TMTC2: variants seen among roughly 807,000 people sequenced by gnomAD.
TMTC2 encodes the protein protein O-mannosyl-transferase TMTC2.
A neutral mutation model predicts 82.4 loss-of-function variants in TMTC2; 43 were observed. That is an observed-to-expected ratio of 0.52 (90% CI 0.41 to 0.67). TMTC2 has a LOEUF of 0.67. TMTC2 is among the 30% of genes least tolerant of loss of function. The pLI, the probability that TMTC2 is intolerant of heterozygous loss-of-function variation, is 0.00. For missense variants in TMTC2, 919 were observed against 1,012.4 expected (o/e 0.91, Z 1.25); for synonymous variants, 408 against 381.9 (o/e 1.07, Z -0.80).
chr12:82,970,365 C>T (rs1408346416), intron 7 of TMTC2, among the ~76,000 whole-genome samples: 2 of 152,218 alleles, frequency 1.3e-5, no homozygotes, highest in South Asian at 2.1e-4. Context: ...CGCTCTGTCG[C>T]CCAGGCGGGA....
chr12:82,812,060 C>T (rs374315335), intron 1 of TMTC2, among the ~76,000 whole-genome samples: 20 of 152,108 alleles, frequency 1.3e-4, no homozygotes, highest in African/African-American at 4.6e-4. Flanking sequence ...TCAGGTGATC[C>T]ACCTGCCTCG....
intron 8 of TMTC2, among the ~76,000 whole-genome samples, chr12:83,006,077 C>T (rs566001144): frequency 6.6e-6 from 1 of 152,286 alleles, no homozygotes; most frequent in African/African-American, 2.4e-5. Flanking sequence ...GGGGTGGTGG[C>T]ATCTTGTGCA....
At position 82,687,384 on chromosome 12, in the gene TMTC2, G is replaced by A; in HGVS notation, c.-203G>A. 1 of 599,958 alleles carries A rather than the reference G, an allele frequency of 1.7e-6. No homozygotes were observed. The highest frequency in any genetic ancestry group is 3.0e-6 in the Non-Finnish European group (1 of 337,666). The allele number at this position is 599,958 out of a possible 1,614,324, so 37.2% of individuals were successfully genotyped here. ...TGTGGTGTGAGCCCGCACCCGGGGA[G>A]GACGCAGGAGCTGCGGAGACGGGCG... On this transcript the variant is annotated 5_prime_UTR_variant, in exon 1 of 12. Transcript: ENST00000321196.
At position 83,017,332 on chromosome 12, in the gene TMTC2, G is replaced by A. The variant is rs193266145; in HGVS notation, c.2071-13466G>A. The stretch of plus-strand genomic sequence containing the variant: ...AGACTTTTGTCCAAACCAGGAAGGG[G>A]GTGCTGTTATAAATACATTGAAACA... On this transcript the variant is annotated intron_variant, in intron 8 of 11. Coordinates refer to ENST00000321196, the MANE Select transcript of TMTC2 (RefSeq NM_152588.3). Among the ~76,000 whole-genome samples the A allele has an allele frequency of 3.3e-5, 5 of 152,216 alleles. No individual in the cohort carries two copies. In the East Asian group the frequency reaches 7.7e-4, roughly 24 times the overall value.
intron 1 of TMTC2, among the ~76,000 whole-genome samples, chr12:82,711,561 T>C (rs563709790): frequency 2.0e-5 from 3 of 152,320 alleles, no homozygotes; most frequent in African/African-American, 7.2e-5. Flanking sequence ...GGATAATGTC[T>C]AATAGCTCTT....
chr12:83,009,185 G>A lies in TMTC2; in HGVS notation c.2071-21613G>A, dbSNP rs559852668. Among the ~76,000 whole-genome samples the A allele has an allele frequency of 6.6e-5, 10 of 152,226 alleles. No homozygotes were observed. The South Asian group carries it at 1.9e-3, about 28-fold the overall frequency. On this transcript the variant is annotated intron_variant, in intron 8 of 11. Transcript: ENST00000321196. ...TAACATCTTTTACCCTGGAGAATAG[G>A]CCTCTGTTATTAAGGAGGCTCTGGA...
intron 1 of TMTC2, among the ~76,000 whole-genome samples, chr12:82,793,770 T>C (rs75668153): frequency 0.011 from 1,661 of 152,220 alleles, 34 homozygotes; most frequent in African/African-American, 0.039. Flanking sequence ...CCTAATGCTG[T>C]TTTGTTTCAG....
At chr12:83,016,012 G>A (rs1013352296) in intron 8 of TMTC2, among the ~76,000 whole-genome samples, 9 of 152,140 alleles carry the variant, frequency 5.9e-5, no homozygotes, top group African/African-American at 2.2e-4. Flanking sequence ...AAACATTGCT[G>A]TTTTCTATAG....
chr12:83,127,849 G>A (rs1885142814), intron 11 of TMTC2, among the ~76,000 whole-genome samples: 1 of 152,048 alleles, frequency 6.6e-6, no homozygotes, highest in Non-Finnish European at 1.5e-5. Context: ...TTCCTCCACA[G>A]TTGAAGAAAT....
intron 11 of TMTC2, among the ~76,000 whole-genome samples, chr12:83,075,623 G>T (rs1033018729): frequency 1.3e-5 from 2 of 152,140 alleles, no homozygotes; most frequent in Non-Finnish European, 2.9e-5. Flanking sequence ...TTCTACTTCA[G>T]TTCATAGATA....
At chr12:82,734,103 T>C (rs1874968764) in intron 1 of TMTC2, among the ~76,000 whole-genome samples, 3 of 152,204 alleles carry the variant, frequency 2.0e-5, no homozygotes, top group African/African-American at 7.2e-5. Flanking sequence ...TGTGAGTAAA[T>C]CTCTAGGCCT....
intron 1 of TMTC2, among the ~76,000 whole-genome samples, chr12:82,730,692 A>G (rs1874751353): frequency 6.6e-6 from 1 of 152,234 alleles, no homozygotes. Context: ...TAAATCAGAT[A>G]CAGTGGAATG....
intron 11 of TMTC2, among the ~76,000 whole-genome samples, chr12:83,107,616 G>A (rs937071913): frequency 5.9e-5 from 9 of 152,078 alleles, no homozygotes; most frequent in Non-Finnish European, 8.8e-5. Context: ...TTAGAGGACC[G>A]TTTCAACCCA....
intron 1 of TMTC2, among the ~76,000 whole-genome samples, chr12:82,741,418 C>G (rs748780889): frequency 6.6e-6 from 1 of 152,156 alleles, no homozygotes; most frequent in African/African-American, 2.4e-5. Context: ...ACAAGCAGTT[C>G]TCCTGCCTTA....
chr12:82,951,509 T>C (rs1877345359), intron 4 of TMTC2, among the ~76,000 whole-genome samples: 1 of 152,060 alleles, frequency 6.6e-6, no homozygotes, highest in Admixed American at 6.6e-5. Flanking sequence ...TTAGTAGAGA[T>C]AGGGTTTCAC....
At chr12:82,701,389 C>T (rs1184669521) in intron 1 of TMTC2, among the ~76,000 whole-genome samples, 1 of 151,984 alleles carries the variant, frequency 6.6e-6, no homozygotes, top group East Asian at 1.9e-4. Flanking sequence ...TGTTCTCACT[C>T]ATTCCTTCAT....
chr12:83,025,163 G>A (rs1881106178), intron 8 of TMTC2, among the ~76,000 whole-genome samples: 1 of 151,658 alleles, frequency 6.6e-6, no homozygotes, highest in African/African-American at 2.4e-5. Flanking sequence ...CTGCACTCCA[G>A]CCTGGGTGAC....
chr12:83,121,046 C>T (rs1884931523), intron 11 of TMTC2, among the ~76,000 whole-genome samples: 1 of 152,022 alleles, frequency 6.6e-6, no homozygotes, highest in Admixed American at 6.6e-5. Context: ...AATATTTCTC[C>T]CTTCACTTCT....
intron 1 of TMTC2, among the ~76,000 whole-genome samples, chr12:82,721,161 C>A (rs1187757553): frequency 1.3e-5 from 2 of 152,208 alleles, no homozygotes; most frequent in Non-Finnish European, 2.9e-5. Context: ...CTGTAAACAG[C>A]TATCATCCTT....
Sources: allele counts gnomAD v4.1 joint callset (sites outside exome capture counted in the v4.1 genomes callset), GRCh38; gene constraint gnomAD v4.1.1; transcripts MANE v1.5; gene names NCBI Gene and HGNC (gene_info 2026-07-23, HGNC 2026-07-21).